Variants in RAB28 observed in about 807,000 individuals in gnomAD.
RAB28 encodes ras-related protein Rab-28.
Under a neutral mutation model 31.7 loss-of-function variants are expected in RAB28, and 24 were observed. That is an observed-to-expected ratio of 0.76 (90% CI 0.55 to 1.06). The LOEUF (loss-of-function observed/expected upper bound fraction) is 1.06, where lower values mean the gene tolerates loss of function less well. Ranked by LOEUF, RAB28 falls within the 50% of genes least tolerant of loss-of-function variation. The pLI, the probability that RAB28 is intolerant of heterozygous loss-of-function variation, is 0.00. For synonymous variants in RAB28, 100 were observed against 90.4 expected, an observed-to-expected ratio of 1.11 and a Z score of -0.60; for missense variants, 254 against 258.5, an observed-to-expected ratio of 0.98 and a Z score of 0.12.
intron 4 of RAB28, among the ~76,000 whole-genome samples, chr4:13,441,630 T>C (rs1714419942): frequency 6.6e-6 from 1 of 152,178 alleles, no homozygotes; most frequent in Admixed American, 6.5e-5. Flanking sequence ...ACACAAGTAA[T>C]CCTAAAAAGA....
At chr4:13,442,766 A>G (rs1384971546) in intron 4 of RAB28, among the ~76,000 whole-genome samples, 1 of 152,216 alleles carries the variant, frequency 6.6e-6, no homozygotes, top group African/African-American at 2.4e-5. Context: ...GAAGCTTTAT[A>G]TAGTTTAAAT....
intron 4 of RAB28, among the ~76,000 whole-genome samples, chr4:13,395,269 C>T (rs957746654): frequency 2.6e-5 from 4 of 151,970 alleles, no homozygotes; most frequent in Non-Finnish European, 2.9e-5. Flanking sequence ...ATCATAAAAA[C>T]CGGCCCATAA....
intron 3 of RAB28, among the ~76,000 whole-genome samples, chr4:13,469,554 G>C (rs145357403): frequency 6.6e-6 from 1 of 151,852 alleles, no homozygotes; most frequent in South Asian, 2.1e-4. Context: ...GTAGTATTTT[G>C]TAAACTTCAA....
chr4:13,401,944 T>A (rs1473311666), intron 4 of RAB28, among the ~76,000 whole-genome samples: 1 of 152,270 alleles, frequency 6.6e-6, no homozygotes, highest in African/African-American at 2.4e-5. Flanking sequence ...ATTGGCAGCA[T>A]GCCATAAAGT....
chr4:13,420,941 A>G (rs956016797), intron 4 of RAB28, among the ~76,000 whole-genome samples: 5 of 152,208 alleles, frequency 3.3e-5, no homozygotes, highest in African/African-American at 1.2e-4. Context: ...AGGGTATTCA[A>G]TTAGGAAAAG....
chr4:13,372,688 C>T (rs549766370), intron 6 of RAB28, among the ~76,000 whole-genome samples: 1 of 152,108 alleles, frequency 6.6e-6, no homozygotes, highest in East Asian at 1.9e-4. Flanking sequence ...TTTTAATAAA[C>T]ATACTGGAGA....
chr4:13,438,248 G>A (rs184546478), intron 4 of RAB28, among the ~76,000 whole-genome samples: 1 of 152,092 alleles, frequency 6.6e-6, no homozygotes, highest in East Asian at 1.9e-4. Flanking sequence ...AATTGTTTAA[G>A]GTTATAGTTA....
chr4:13,370,696 C>A lies in RAB28; in HGVS notation c.574-2046G>T, dbSNP rs1456686. The A allele has an allele frequency of 4.8e-3, 4,746 of 984,748 alleles. 17 individuals carry two copies. The highest frequency in any genetic ancestry group is 0.028 in the Middle Eastern group (53 of 1,914). 61.0% of individuals were successfully genotyped at this position (984,748 alleles called of 1,614,324 possible). ...GACTTCCTTATGATGCTCGCTCCCC[C>A]ATTCCTCCCGATCCTAACCTCCATA... On this transcript the variant is annotated intron_variant, in intron 6 of 6. Transcript: ENST00000330852.
At chr4:13,439,235 T>C (rs760603433) in intron 4 of RAB28, among the ~76,000 whole-genome samples, 3 of 152,260 alleles carry the variant, frequency 2.0e-5, no homozygotes, top group African/African-American at 4.8e-5. Context: ...TTCTTGCTAA[T>C]GTCCTTTGAC....
chr4:13,427,244 T>G (rs180959749), intron 4 of RAB28, among the ~76,000 whole-genome samples: 2 of 152,346 alleles, frequency 1.3e-5, no homozygotes, highest in Admixed American at 1.3e-4. Flanking sequence ...ATTTGAAGAC[T>G]TAAGGGCCTT....
intron 4 of RAB28, among the ~76,000 whole-genome samples, chr4:13,445,277 G>A (rs972586817): frequency 4.6e-5 from 7 of 151,820 alleles, no homozygotes; most frequent in Non-Finnish European, 1.0e-4. Flanking sequence ...AGCAGCTCCT[G>A]TAACCTTTCA....
chr4:13,465,219 A>C (rs547175921), intron 3 of RAB28, among the ~76,000 whole-genome samples: 3 of 152,180 alleles, frequency 2.0e-5, no homozygotes, highest in African/African-American at 7.2e-5. Context: ...AATCAAGTTT[A>C]GGAAGTATTT....
At chr4:13,480,741 C>T (rs529296214) in intron 1 of RAB28, among the ~76,000 whole-genome samples, 2 of 152,022 alleles carry the variant, frequency 1.3e-5, no homozygotes, top group Non-Finnish European at 2.9e-5. Flanking sequence ...ATTTGTTGAG[C>T]ACTACCATAT....
At chr4:13,447,465 TA>T (rs978188553) in intron 4 of RAB28, among the ~76,000 whole-genome samples, 15 of 151,876 alleles carry the variant, frequency 9.9e-5, no homozygotes, top group African/African-American at 3.1e-4. Context: ...ATTTCTGTTA[TA>T]AAAAAAAGAG....
At chr4:13,384,719 C>G (rs1729288244) in intron 4 of RAB28, among the ~76,000 whole-genome samples, 1 of 152,130 alleles carries the variant, frequency 6.6e-6, no homozygotes, top group Non-Finnish European at 1.5e-5. Flanking sequence ...GTCCAAAGAT[C>G]AGCAACATCA....
chr4:13,461,335 T>C (rs1421851783), intron 3 of RAB28, among the ~76,000 whole-genome samples: 1 of 152,238 alleles, frequency 6.6e-6, no homozygotes, highest in African/African-American at 2.4e-5. Flanking sequence ...CGATTTCCTC[T>C]TTTAGTCCAC....
At chr4:13,439,273 T>A (rs545497090) in intron 4 of RAB28, among the ~76,000 whole-genome samples, 18 of 152,364 alleles carry the variant, frequency 1.2e-4, no homozygotes, top group Admixed American at 2.6e-4. Flanking sequence ...TTTGATGTAA[T>A]ATTTTTTTCT....
At chr4:13,370,913 CATATGTGACAA>C in intron 6 of RAB28, 18 of 964,866 alleles carry the variant, frequency 1.9e-5, no homozygotes, top group Non-Finnish European at 2.2e-5. Context: ...ATAAAAAGAC[CATATGTGACAA>C]ATATGTATGA....
intron 4 of RAB28, among the ~76,000 whole-genome samples, chr4:13,443,771 A>G (rs1714541299): frequency 6.6e-6 from 1 of 152,144 alleles, no homozygotes; most frequent in South Asian, 2.1e-4. Context: ...ACCATGCTGT[A>G]CAATAGATCC....
Sources: gnomAD v4.1 joint callset for allele counts (sites outside exome capture counted in the v4.1 genomes callset) on GRCh38, gnomAD v4.1.1 for gene constraint, MANE v1.5 for transcripts, NCBI Gene and HGNC (gene_info 2026-07-23, HGNC 2026-07-21) for gene names.